DGKK: variants seen among roughly 807,000 people sequenced by gnomAD.
DGKK encodes 142 kDa diacylglycerol kinase.
A neutral mutation model predicts 92.2 loss-of-function variants in DGKK; 35 were observed. That is an observed-to-expected ratio of 0.38 (90% CI 0.29 to 0.50). DGKK has a LOEUF of 0.50. Among genes scored for constraint, DGKK ranks in the 20% least tolerant of loss-of-function variants. DGKK has a pLI of 0.92. For missense variants in DGKK, 910 were observed against 992.2 expected (o/e 0.92, Z 1.11); for synonymous variants, 368 against 360.6 (o/e 1.02, Z -0.23).
intron 1 of DGKK, among the ~76,000 whole-genome samples, chrX:50,460,218 C>T (rs966840754): frequency 8.9e-6 from 1 of 111,755 alleles, no homozygotes; most frequent in African/African-American, 3.3e-5. Context: ...AGCCAAGGAG[C>T]TTAACAATTT....
intron 3 of DGKK, 150 bp from the exon 4 acceptor site, chrX:50,420,657 G>A (rs1686408071): frequency 2.3e-6 from 1 of 440,151 alleles, no homozygotes; most frequent in Non-Finnish European, 3.9e-6. Context: ...AGAACCACTC[G>A]TAGCTCCTTA....
intron 1 of DGKK, among the ~76,000 whole-genome samples, chrX:50,464,491 G>A (rs1926844771): frequency 9.1e-6 from 1 of 109,511 alleles, no homozygotes; most frequent in Admixed American, 9.7e-5. Context: ...TATCTAGAGG[G>A]GAGGATTCGT....
chrX:50,404,757 C>A (rs1352505546), intron 4 of DGKK, among the ~76,000 whole-genome samples: 1 of 111,122 alleles, frequency 9.0e-6, no homozygotes, highest in African/African-American at 3.3e-5. Flanking sequence ...TGTCTTAGTT[C>A]AAGCAAAAAT....
intron 1 of DGKK, among the ~76,000 whole-genome samples, chrX:50,457,741 C>T (rs1360166568): frequency 9.0e-6 from 1 of 111,731 alleles, no homozygotes; most frequent in Non-Finnish European, 1.9e-5. Context: ...AATTTTGCTG[C>T]TTTAAATGAT....
At chrX:50,404,340 C>T (rs1925090564) in intron 4 of DGKK, among the ~76,000 whole-genome samples, 156 bp from the exon 5 acceptor site, 4 of 110,602 alleles carry the variant, frequency 3.6e-5, no homozygotes, top group Admixed American at 2.9e-4. Flanking sequence ...TACCTGGGAC[C>T]TGGGATACTT....
intron 4 of DGKK, 70 bp downstream of exon 4, chrX:50,420,333 G>A (rs1234258344): frequency 2.1e-6 from 2 of 965,479 alleles, no homozygotes; most frequent in East Asian, 3.1e-5. Flanking sequence ...CTGCTCTAAA[G>A]GTGGCTTAAC....
At chrX:50,375,456 C>T (rs1320017363) in intron 24 of DGKK, among the ~76,000 whole-genome samples, 4 of 112,061 alleles carry the variant, frequency 3.6e-5, no homozygotes, top group African/African-American at 9.7e-5. Flanking sequence ...CTTCTTGCAA[C>T]TCCAGGCCTT....
intron 1 of DGKK, among the ~76,000 whole-genome samples, chrX:50,446,836 T>C: frequency 9.0e-6 from 1 of 111,214 alleles, no homozygotes. Flanking sequence ...TCTGCTGTCT[T>C]TCATGCTTTT....
chrX:50,449,464 G>A (rs1557232298), intron 1 of DGKK, among the ~76,000 whole-genome samples: 1 of 111,502 alleles, frequency 9.0e-6, no homozygotes, highest in Admixed American at 9.5e-5. Flanking sequence ...GAGACAAGGC[G>A]GACTAATTTA....
At chrX:50,378,393 T>C (rs781951996) in intron 21 of DGKK, among the ~76,000 whole-genome samples, 161 bp from the exon 22 acceptor site, 147 of 111,897 alleles carry the variant, frequency 1.3e-3, no homozygotes, top group African/African-American at 4.5e-3. Context: ...TCCTATGGGC[T>C]TTTTGCTCCA....
At chrX:50,408,523 C>A (rs781842924) in intron 4 of DGKK, among the ~76,000 whole-genome samples, 3 of 110,718 alleles carry the variant, frequency 2.7e-5, no homozygotes, top group Middle Eastern at 4.6e-3. Flanking sequence ...GGACTACAGG[C>A]GCCCGCCACC....
At chrX:50,452,094 G>A (rs1557232506) in intron 1 of DGKK, among the ~76,000 whole-genome samples, 2 of 111,882 alleles carry the variant, frequency 1.8e-5, no homozygotes, top group Non-Finnish European at 3.8e-5. Context: ...ACCTTACAAG[G>A]TGGGAATTAT....
At chrX:50,382,385 C>T in intron 18 of DGKK, 111 bp downstream of exon 18, 2 of 570,894 alleles carry the variant, frequency 3.5e-6, no homozygotes, top group Non-Finnish European at 5.3e-6. Context: ...ATTTTACTTC[C>T]AGTGGGTCCC....
At chrX:50,429,561 C>T (rs540363774) in intron 1 of DGKK, among the ~76,000 whole-genome samples, 1 of 111,130 alleles carries the variant, frequency 9.0e-6, no homozygotes, top group Admixed American at 9.5e-5. Context: ...TGGTGGCGGG[C>T]GCCTGTAGTC....
intron 25 of DGKK, among the ~76,000 whole-genome samples, chrX:50,373,372 G>A (rs181821890): frequency 1.5e-3 from 167 of 112,126 alleles, no homozygotes; most frequent in African/African-American, 5.2e-3. Context: ...GTGTGTTTAA[G>A]TCCTCACTGG....
At chrX:50,406,450 T>C (rs1557227301) in intron 4 of DGKK, among the ~76,000 whole-genome samples, 1 of 111,413 alleles carries the variant, frequency 9.0e-6, no homozygotes, top group Admixed American at 9.6e-5. Flanking sequence ...ACCGATATAA[T>C]CAAATTAAGA....
intron 1 of DGKK, among the ~76,000 whole-genome samples, chrX:50,441,439 C>T (rs989876647): frequency 7.2e-5 from 8 of 110,858 alleles, no homozygotes; most frequent in Non-Finnish European, 1.3e-4. Flanking sequence ...CTGGAATGAG[C>T]GAATAGTAGA....
At chrX:50,395,521 T>A (rs1193369586) in intron 8 of DGKK, among the ~76,000 whole-genome samples, 1 of 111,252 alleles carries the variant, frequency 9.0e-6, no homozygotes, top group African/African-American at 3.3e-5. Flanking sequence ...AAAGGCCCTT[T>A]GGGGGTAGTT....
At chrX:50,460,176 A>G in intron 1 of DGKK, among the ~76,000 whole-genome samples, 1 of 111,951 alleles carries the variant, frequency 8.9e-6, no homozygotes, top group East Asian at 2.8e-4. Flanking sequence ...GAGTTCATGA[A>G]AACTTTCTGG....
Sources: gnomAD v4.1 joint callset for allele counts (sites outside exome capture counted in the v4.1 genomes callset) on GRCh38, gnomAD v4.1.1 for gene constraint, MANE v1.5 for transcripts, NCBI Gene and HGNC (gene_info 2026-07-23, HGNC 2026-07-21) for gene names.